Variants in SYT9 observed in about 807,000 individuals in gnomAD.
SYT9 encodes the protein synaptotagmin 9, also known as synaptotagmin-9.
SYT9 carries 22 observed loss-of-function variants against 48.4 expected under a neutral mutation model. That is an observed-to-expected ratio of 0.45 (90% confidence interval 0.32 to 0.65). The LOEUF (loss-of-function observed/expected upper bound fraction) is 0.65. Among genes scored for constraint, SYT9 ranks in the 30% least tolerant of loss-of-function variants. The pLI is 0.03. For missense variants in SYT9, 577 were observed against 622.0 expected, an observed-to-expected ratio of 0.93 and a Z score of 0.77; for synonymous variants, 265 against 245.0, an observed-to-expected ratio of 1.08 and a Z score of -0.76.
intron 3 of SYT9, among the ~76,000 whole-genome samples, chr11:7,373,039 A>T (rs1372460957): frequency 1.3e-5 from 2 of 152,138 alleles, no homozygotes; most frequent in African/African-American, 4.8e-5. Context: ...GATTTATTAT[A>T]TTCCTAGTTT....
intron 6 of SYT9, among the ~76,000 whole-genome samples, chr11:7,456,152 T>C (rs1848147504): frequency 6.6e-6 from 1 of 152,258 alleles, no homozygotes. Context: ...TCTCTCCTGA[T>C]GTGAACTCTT....
At chr11:7,416,239 T>G in intron 4 of SYT9, 77 bp downstream of exon 4, 1 of 1,554,260 alleles carries the variant, frequency 6.4e-7, no homozygotes, top group East Asian at 2.3e-5. Context: ...AGTATGGTAA[T>G]AAAGCACATT....
intron 6 of SYT9, chr11:7,435,527 C>T (rs1303919928): frequency 6.6e-6 from 1 of 152,120 alleles, no homozygotes; most frequent in Non-Finnish European, 1.5e-5. Flanking sequence ...GAACTAGGGA[C>T]AGAATTAAGA....
chr11:7,363,723 C>T (rs1219956807), intron 3 of SYT9, among the ~76,000 whole-genome samples: 1 of 152,098 alleles, frequency 6.6e-6, no homozygotes, highest in African/African-American at 2.4e-5. Context: ...AATCTAACAT[C>T]ATGGAATCCA....
At chr11:7,349,630 G>A (rs548331481) in intron 3 of SYT9, among the ~76,000 whole-genome samples, 3 of 152,098 alleles carry the variant, frequency 2.0e-5, no homozygotes, top group East Asian at 1.9e-4. Context: ...CCCTACCAAC[G>A]TCTGTCCCAA....
Position 7,358,897 on chromosome 11 carries a change from T to A in SYT9, c.1044+44956T>A, listed in dbSNP as rs192169894. On this transcript the variant is annotated intron_variant, in intron 3 of 6. Transcript: ENST00000318881. ...TGAGTTTTAGGGTACATGTGCACAA[T>A]GTGCAGGTTAATTACATATGTATAC... Among the ~76,000 whole-genome samples the A allele has an allele frequency of 5.7e-3, 873 of 152,282 alleles. 3 individuals carry two copies. Among genetic ancestry groups the A allele is most frequent in the African/African-American group, 0.02 (820 of 41,546 alleles).
chr11:7,420,436 T>C, intron 5 of SYT9, 70 bp from the exon 6 acceptor site: 1 of 1,573,000 alleles, frequency 6.4e-7, no homozygotes, highest in Non-Finnish European at 8.7e-7. Context: ...CCTTCATCAG[T>C]TTAATTGAGT....
chr11:7,301,997 C>A (rs572720410), intron 1 of SYT9, among the ~76,000 whole-genome samples: 17 of 152,298 alleles, frequency 1.1e-4, no homozygotes, highest in Admixed American at 5.2e-4. Context: ...GTCCATGATC[C>A]ATGTAGCAGA....
chr11:7,315,471 T>C (rs965424151), intron 3 of SYT9, among the ~76,000 whole-genome samples: 3 of 152,250 alleles, frequency 2.0e-5, no homozygotes, highest in African/African-American at 7.2e-5. Flanking sequence ...TGCCTTGAAC[T>C]TAAGTCTCAT....
chr11:7,282,830 T>C (rs1427144720), intron 1 of SYT9, among the ~76,000 whole-genome samples: 1 of 152,084 alleles, frequency 6.6e-6, no homozygotes, highest in African/African-American at 2.4e-5. Context: ...AAAGCATGTT[T>C]TCTTTAAATT....
At chr11:7,318,919 G>A (rs2133961027) in intron 3 of SYT9, among the ~76,000 whole-genome samples, 1 of 152,252 alleles carries the variant, frequency 6.6e-6, no homozygotes. Flanking sequence ...AGTGATGCAT[G>A]TAATATGCTG....
At chr11:7,284,400 A>G (rs116695466) in intron 1 of SYT9, among the ~76,000 whole-genome samples, 20 of 152,264 alleles carry the variant, frequency 1.3e-4, no homozygotes, top group African/African-American at 4.8e-4. Flanking sequence ...AAATTTTTCA[A>G]AAGAGAAACA....
chr11:7,267,268 A>G (rs1458082521), intron 1 of SYT9, among the ~76,000 whole-genome samples: 1 of 152,064 alleles, frequency 6.6e-6, no homozygotes. Flanking sequence ...CTAAATACAT[A>G]GAGGATAGAA....
intron 1 of SYT9, among the ~76,000 whole-genome samples, chr11:7,261,470 A>G (rs1193366596): frequency 1.3e-5 from 2 of 152,206 alleles, no homozygotes; most frequent in South Asian, 2.1e-4. Context: ...ACAGTATTGT[A>G]CATACAGTAG....
At chr11:7,262,705 A>T (rs576445787) in intron 1 of SYT9, among the ~76,000 whole-genome samples, 2 of 152,220 alleles carry the variant, frequency 1.3e-5, no homozygotes, top group South Asian at 4.2e-4. Context: ...GGCACTCACC[A>T]TTGCAGGTAG....
chr11:7,270,662 G>A (rs571596974), intron 1 of SYT9, among the ~76,000 whole-genome samples: 1 of 152,292 alleles, frequency 6.6e-6, no homozygotes, highest in Admixed American at 6.5e-5. Context: ...ACAGCTTTCT[G>A]TTAATATCTT....
intron 1 of SYT9, among the ~76,000 whole-genome samples, chr11:7,267,762 T>C (rs972841737): frequency 6.6e-6 from 1 of 151,712 alleles, no homozygotes; most frequent in African/African-American, 2.4e-5. Flanking sequence ...AATTAGAAAG[T>C]GAAAAATCCC....
At chr11:7,353,447 C>T (rs2134006238) in intron 3 of SYT9, among the ~76,000 whole-genome samples, 1 of 152,324 alleles carries the variant, frequency 6.6e-6, no homozygotes, top group Middle Eastern at 3.4e-3. Flanking sequence ...GAGACACCTT[C>T]CCATGAACAG....
At chr11:7,364,266 G>A (rs1183559043) in intron 3 of SYT9, among the ~76,000 whole-genome samples, 3 of 152,188 alleles carry the variant, frequency 2.0e-5, no homozygotes. Context: ...TGTTGGCAGC[G>A]AGTTAAGGCA....
Sources: allele counts gnomAD v4.1 joint callset (sites outside exome capture counted in the v4.1 genomes callset), GRCh38; gene constraint gnomAD v4.1.1; transcripts MANE v1.5; gene names NCBI Gene and HGNC (gene_info 2026-07-23, HGNC 2026-07-21).